CNTN6: variants seen among roughly 807,000 people sequenced by gnomAD.
The protein encoded by CNTN6 is contactin-6.
CNTN6 carries 137 observed loss-of-function variants against 122.8 expected under a neutral mutation model. The observed-to-expected ratio is 1.12, with a 90% confidence interval of 0.97 to 1.29. CNTN6 has a LOEUF of 1.29. Among genes scored for constraint, CNTN6 ranks in the 50% most tolerant of loss-of-function variants. The probability of loss-of-function intolerance (pLI) is 0.00; values close to 1 mark genes in which losing one functional copy is unlikely to be tolerated. For missense variants in CNTN6, 1,634 were observed against 1,223.4 expected, an observed-to-expected ratio of 1.34 and a Z score of -5.01; for synonymous variants, 570 against 426.0, an observed-to-expected ratio of 1.34 and a Z score of -4.16.
intron 3 of CNTN6, among the ~76,000 whole-genome samples, chr3:1,225,284 G>C (rs1222520518): frequency 6.6e-6 from 1 of 152,224 alleles, no homozygotes. Context: ...CATTAATACT[G>C]TTTCTCCATT....
chr3:1,102,622 G>A (rs1216038574), intron 1 of CNTN6, among the ~76,000 whole-genome samples: 1 of 150,014 alleles, frequency 6.7e-6, no homozygotes, highest in Non-Finnish European at 1.5e-5. Context: ...CAGCTACTCG[G>A]GAGGCTGAGG....
chr3:1,320,957 T>G (rs997201594), intron 7 of CNTN6, among the ~76,000 whole-genome samples: 1 of 151,704 alleles, frequency 6.6e-6, no homozygotes, highest in Non-Finnish European at 1.5e-5. Context: ...TACAAGTTCT[T>G]TATAACAGGG....
chr3:1,289,314 G>A (rs2125837926), intron 5 of CNTN6, among the ~76,000 whole-genome samples: 1 of 152,264 alleles, frequency 6.6e-6, no homozygotes, highest in African/African-American at 2.4e-5. Flanking sequence ...TGGGGAGAAG[G>A]GAGCAGGGCA....
intron 4 of CNTN6, among the ~76,000 whole-genome samples, chr3:1,243,876 G>A (rs1287731478): frequency 6.6e-6 from 1 of 152,040 alleles, no homozygotes; most frequent in East Asian, 1.9e-4. Flanking sequence ...AGAAAAGGAA[G>A]ACTGGGAAGA....
chr3:1,258,210 G>T (rs1233752607), intron 4 of CNTN6, among the ~76,000 whole-genome samples: 1 of 152,080 alleles, frequency 6.6e-6, no homozygotes, highest in East Asian at 1.9e-4. Flanking sequence ...TATTATTCCA[G>T]TTCTTTTATT....
intron 1 of CNTN6, among the ~76,000 whole-genome samples, chr3:1,132,561 G>T (rs969360314): frequency 3.3e-5 from 5 of 151,868 alleles, no homozygotes; most frequent in Non-Finnish European, 7.4e-5. Context: ...CCTGTTTGGG[G>T]CAGGAGGATC....
intron 1 of CNTN6, among the ~76,000 whole-genome samples, chr3:1,129,586 T>G (rs2125093703): frequency 6.6e-6 from 1 of 152,176 alleles, no homozygotes; most frequent in East Asian, 1.9e-4. Context: ...TCACACTTAT[T>G]TTGGAGATTA....
chr3:1,122,900 G>A (rs1333967226), intron 1 of CNTN6, among the ~76,000 whole-genome samples: 8 of 151,830 alleles, frequency 5.3e-5, no homozygotes, highest in Admixed American at 4.0e-4. Flanking sequence ...CTATAAGCAT[G>A]TGTGTACAGG....
intron 4 of CNTN6, among the ~76,000 whole-genome samples, chr3:1,277,654 C>G (rs1382318225): frequency 6.6e-6 from 1 of 152,014 alleles, no homozygotes; most frequent in African/African-American, 2.4e-5. Context: ...AGCCACCACA[C>G]CCAGATTAGT....
intron 1 of CNTN6, among the ~76,000 whole-genome samples, chr3:1,095,734 G>T (rs939246672): frequency 1.3e-5 from 2 of 152,134 alleles, no homozygotes. Context: ...TATAACCCTT[G>T]TTATGATAGT....
intron 12 of CNTN6, among the ~76,000 whole-genome samples, chr3:1,367,482 C>G (rs1708402735): frequency 1.3e-5 from 2 of 151,988 alleles, no homozygotes; most frequent in African/African-American, 4.8e-5. Context: ...TCTGCTGTGA[C>G]TGTCTTGAAA....
intron 1 of CNTN6, among the ~76,000 whole-genome samples, chr3:1,099,318 GC>G (rs916162718): frequency 6.6e-6 from 1 of 151,412 alleles, no homozygotes; most frequent in Non-Finnish European, 1.5e-5. Context: ...GGGTGTGGTG[GC>G]GGGCGCCTGT....
chr3:1,137,181 G>T (rs972380288), intron 1 of CNTN6, among the ~76,000 whole-genome samples: 3 of 152,106 alleles, frequency 2.0e-5, no homozygotes, highest in Non-Finnish European at 2.9e-5. Flanking sequence ...CCAAGACTGG[G>T]CAGGTAATAT....
In CNTN6 at chr3:1,385,692, AC is replaced by A; in HGVS notation, c.2600del (p.Thr867ArgfsTer3). On this transcript the variant is annotated frameshift_variant, in exon 20 of 23. Transcript: ENST00000446702. LOFTEE classifies it high-confidence loss of function. Reference sequence around the variant, plus strand: ...TGGAAATGTCACAACCAAAAACATCACGGGGCTGAAAGCTAATACCATCTAC... The same window carrying A: ...TGGAAATGTCACAACCAAAAACATCAGGGGCTGAAAGCTAATACCATCTAC... ...VSGNVTTKNI[T>X]GLKANTIYFA... 1.2e-6 allele frequency: 2 copies of A among 1,614,134 alleles called. No individual in the cohort carries two copies. The highest frequency in any genetic ancestry group is 1.7e-6 in the Non-Finnish European group (2 of 1,179,966).
intron 7 of CNTN6, among the ~76,000 whole-genome samples, chr3:1,308,492 G>A (rs1698717663): frequency 6.6e-6 from 1 of 152,034 alleles, no homozygotes; most frequent in East Asian, 1.9e-4. Flanking sequence ...GTTGCTGCTG[G>A]AGTGTCATTT....
At chr3:1,376,061 G>A (rs1709815189) in intron 16 of CNTN6, among the ~76,000 whole-genome samples, 1 of 151,992 alleles carries the variant, frequency 6.6e-6, no homozygotes, top group Admixed American at 6.6e-5. Flanking sequence ...GTTCAGACAT[G>A]GTCCAGTATA....
At chr3:1,354,775 T>C (rs940121061) in intron 12 of CNTN6, among the ~76,000 whole-genome samples, 6 of 151,488 alleles carry the variant, frequency 4.0e-5, no homozygotes, top group Admixed American at 1.3e-4. Flanking sequence ...AGTTTTCAAT[T>C]TTTCAGGGTC....
intron 12 of CNTN6, among the ~76,000 whole-genome samples, chr3:1,354,368 CAA>C (rs71056334): frequency 8.6e-4 from 104 of 121,616 alleles, no homozygotes; most frequent in Middle Eastern, 4.2e-3. Flanking sequence ...GCTCAGTTAA[CAA>C]AAAAAAAAAA....
intron 2 of CNTN6, among the ~76,000 whole-genome samples, chr3:1,212,357 C>T (rs1259293346): frequency 6.7e-6 from 1 of 150,256 alleles, no homozygotes; most frequent in African/African-American, 2.5e-5. Flanking sequence ...AGCCACCATG[C>T]CCAGCCTCTC....
Sources: gnomAD v4.1 joint callset for allele counts (sites outside exome capture counted in the v4.1 genomes callset) on GRCh38, gnomAD v4.1.1 for gene constraint, MANE v1.5 for transcripts, NCBI Gene and HGNC (gene_info 2026-07-23, HGNC 2026-07-21) for gene names.